Variants in CA11 observed in about 807,000 individuals in gnomAD.
The protein encoded by CA11 is carbonic anhydrase-related protein 11.
Under a neutral mutation model 39.3 loss-of-function variants are expected in CA11, and 20 were observed. That is an observed-to-expected ratio of 0.51 (90% confidence interval 0.36 to 0.74). The LOEUF is 0.74. Ranked by LOEUF, CA11 falls within the 30% of genes least tolerant of loss-of-function variation. The pLI is 0.00. For missense variants in CA11, 336 were observed against 424.6 expected, an observed-to-expected ratio of 0.79 and a Z score of 1.83; for synonymous variants, 166 against 172.5, an observed-to-expected ratio of 0.96 and a Z score of 0.29.
chr19:48,638,445 A>T, intron 8 of CA11: 1 of 976,220 alleles, frequency 1.0e-6, no homozygotes, highest in Non-Finnish European at 1.3e-6. Context: ...GCTAAACCAC[A>T]GGGAGGCAGA....
In CA11 at chr19:48,639,470, A is replaced by G. The variant is rs368624160; in HGVS notation, c.641-11T>C. On this transcript the variant is annotated splice_polypyrimidine_tract_variant and intron_variant, in intron 6 of 8. Transcript: ENST00000084798. Reference sequence around the variant, plus strand: ...GAAAGTAGGCATCATCTGCGGGAATATCAGGCCAGAGTAAAGAGGGATGGC... The same window carrying G: ...GAAAGTAGGCATCATCTGCGGGAATGTCAGGCCAGAGTAAAGAGGGATGGC... 1.1e-5 allele frequency: 17 copies of G among 1,613,852 alleles called. No homozygotes were observed. The African/African-American group carries it at 2.3e-4, about 22-fold the overall frequency.
In CA11 at chr19:48,645,889, T is replaced by C; in HGVS notation, c.-257A>G. ...TTCCCGGAACCCTCCAGTCTCCCTC[T>C]AGCTCCTGATCTTCCTACTCCTCTC... On this transcript the variant is annotated 5_prime_UTR_variant, in exon 1 of 9. Transcript: ENST00000084798. The C allele has an allele frequency of 2.0e-6, 1 of 508,808 alleles. No homozygotes were observed. Among genetic ancestry groups the C allele is most frequent in the Non-Finnish European group, 3.4e-6 (1 of 291,492 alleles). The allele number at this position is 508,808 out of a possible 1,614,324, so 31.5% of individuals were successfully genotyped here. A position where few individuals can be genotyped will look rare whatever the true frequency, so the allele number is the denominator to read the frequency against.
Position 48,638,147 on chromosome 19 carries a change from G to GT in CA11, c.962-4dup, listed in dbSNP as rs758201626. On this transcript the variant is annotated splice_region_variant and splice_polypyrimidine_tract_variant and intron_variant, in intron 8 of 8. Transcript: ENST00000084798. ...GCGACCATGGGGGACACCATCCACTGTAAGACAGAGAACAACGGCAGGGGG... is the reference window on the plus strand; with the variant it reads ...GCGACCATGGGGGACACCATCCACTGTTAAGACAGAGAACAACGGCAGGGGG... The GT allele has an allele frequency of 1.9e-5, 21 of 1,127,956 alleles. No individual in the cohort carries two copies. In the African/African-American group the frequency reaches 3.5e-4, roughly 19 times the overall value. The allele number at this position is 1,127,956 out of a possible 1,614,324, so 69.9% of individuals were successfully genotyped here.
chr19:48,646,025 TCTC>T lies in CA11; in HGVS notation c.-396_-394del, dbSNP rs899751865. 51 of 393,224 alleles carry T rather than the reference TCTC, an allele frequency of 1.3e-4. No individual in the cohort carries two copies. The highest frequency in any genetic ancestry group is 6.6e-4 in the South Asian group (6 of 9,122). 24.4% of individuals were successfully genotyped at this position (393,224 alleles called of 1,614,324 possible). A position where few individuals can be genotyped will look rare whatever the true frequency, so the allele number is the denominator to read the frequency against. On this transcript the variant is annotated 5_prime_UTR_variant, in exon 1 of 9. Transcript: ENST00000084798. Reference sequence around the variant, plus strand: ...CCTAACTCCAGGTCTCCATCCCGCATCTCCTCCTCCTCCTCCCTCTCTCCTTTC... The same window carrying T: ...CCTAACTCCAGGTCTCCATCCCGCATCTCCTCCTCCTCCCTCTCTCCTTTC...
rs2031146535 is a variant in CA11 at position 48,643,319 on chromosome 19, C to T, written c.285+1108G>A. ...CCGCCTCCCGGGTTCAAGCAATTCTCCTGCCTCAGCCTCTCAAGTAGCTGG... is the reference window on the plus strand; with the variant it reads ...CCGCCTCCCGGGTTCAAGCAATTCTTCTGCCTCAGCCTCTCAAGTAGCTGG... On this transcript the variant is annotated intron_variant, in intron 3 of 8. Transcript: ENST00000084798. This position sits in a 1 kb window ranked among gnomAD's most constrained non-coding sequence, Gnocchi z 4.3. Among the ~76,000 whole-genome samples the T allele has an allele frequency of 6.6e-6, 1 of 152,184 alleles. No individual in the cohort carries two copies. Among genetic ancestry groups the T allele is most frequent in the African/African-American group, 2.4e-5 (1 of 41,444 alleles).
At chr19:48,640,342 G>A in intron 3 of CA11, 62 bp from the exon 4 acceptor site, 1 of 1,087,310 alleles carries the variant, frequency 9.2e-7, no homozygotes, top group South Asian at 1.4e-5. Context: ...CGTTTCCCAC[G>A]CCTACATTTT....
In CA11 at chr19:48,645,951, T is replaced by C; in HGVS notation, c.-319A>G. ...GCCCCCAGGGCTACCTCTTGGTTCC[T>C]AACCCACACCTCCTCTCCGTTCTCT... On this transcript the variant is annotated 5_prime_UTR_variant, in exon 1 of 9. The change abolishes the stop of an existing upstream ORF in the 5' untranslated region. Transcript: ENST00000084798. 1 of 447,538 alleles carries C rather than the reference T, an allele frequency of 2.2e-6. No homozygotes were observed. Among genetic ancestry groups the C allele is most frequent in the South Asian group, 5.4e-5 (1 of 18,530 alleles). 27.7% of individuals were successfully genotyped at this position (447,538 alleles called of 1,614,324 possible).
At chr19:48,642,871 G>C (rs1443918395) in intron 3 of CA11, among the ~76,000 whole-genome samples, 5 of 152,118 alleles carry the variant, frequency 3.3e-5, no homozygotes, top group African/African-American at 1.2e-4. Context: ...GGATAGGATG[G>C]GGAATGGCTT....
chr19:48,644,652 G>A (rs780930104), intron 2 of CA11, 83 bp from the exon 3 acceptor site: 5 of 1,214,748 alleles, frequency 4.1e-6, no homozygotes, highest in Non-Finnish European at 5.5e-6. Context: ...AGTGGGCTGT[G>A]GTCTGGACTC....
At position 48,644,697 on chromosome 19, in the gene CA11, A is replaced by T. The variant is rs924861711; in HGVS notation, c.143-128T>A. On this transcript the variant is annotated intron_variant, in intron 2 of 8. Transcript: ENST00000084798. ...AGGGGAGGAGGGGCTAGGGACCTAG[A>T]CTCCTGGGTCTGAGGGAGGACTGGG... 314 of 668,408 alleles carry T rather than the reference A, an allele frequency of 4.7e-4. 2 individuals are homozygous for T. The highest frequency in any genetic ancestry group is 7.3e-4 in the East Asian group (24 of 32,710). The allele number at this position is 668,408 out of a possible 1,614,324, so 41.4% of individuals were successfully genotyped here.
At chr19:48,641,156 T>G (rs970992445) in intron 3 of CA11, among the ~76,000 whole-genome samples, 2 of 151,776 alleles carry the variant, frequency 1.3e-5, no homozygotes, top group African/African-American at 4.8e-5. Flanking sequence ...ATTTTTGTAT[T>G]TTTAGTAGAG....
Position 48,639,355 on chromosome 19 carries a change from T to C in CA11, c.745A>G (p.Thr249Ala). 6.2e-7 allele frequency: 1 copy of C among 1,613,584 alleles called. No homozygotes were observed. The highest frequency in any genetic ancestry group is 8.5e-7 in the Non-Finnish European group (1 of 1,179,906). The change falls in exon 7 of 9, where the codon ACT becomes GCT. Residue 249 changes from threonine to alanine, a missense_variant. By Grantham distance (58) the Thr-to-Ala change is moderately conservative. Transcript: ENST00000084798. ...CGGTCAATGAGGATCCAGGTGACAG[T>C]CTCGGAGCAGGGCGGGGTGCTGAGA... ...GSLSTPPCSETVTWILIDRAL... is the reference protein window; with the variant it reads ...GSLSTPPCSEAVTWILIDRAL...
In CA11 at chr19:48,639,891, T is replaced by C; in HGVS notation, c.472-8A>G. 16 of 1,610,644 alleles carry C rather than the reference T, an allele frequency of 9.9e-6. No homozygotes were observed. Among genetic ancestry groups the C allele is most frequent in the Non-Finnish European group, 1.4e-5 (16 of 1,177,140 alleles). ...GAAGTGAATGAGCTGCACCTGGGGG[T>C]AGCACAGAGCATGGGGTCCCCCAGC... On this transcript the variant is annotated splice_region_variant and splice_polypyrimidine_tract_variant and intron_variant, in intron 4 of 8. Coordinates refer to ENST00000084798, the MANE Select transcript of CA11 (RefSeq NM_001217.5).
chr19:48,638,373 A>T (rs2030918465), intron 8 of CA11: 2 of 32,302 alleles, frequency 6.2e-5, no homozygotes, highest in Admixed American at 4.0e-3. Context: ...GAAGGTCTTC[A>T]TGGGGGGGGG....
chr19:48,639,350 G>A lies in CA11; in HGVS notation c.750C>T (p.Val250=). ...SLSTPPCSET[V]TWILIDRALN... ...GGGCCCGGTCAATGAGGATCCAGGT[G>A]ACAGTCTCGGAGCAGGGCGGGGTGC... The change falls in exon 7 of 9, where the codon GTC becomes GTT. Residue 250 remains valine (V), a synonymous_variant. Coordinates refer to ENST00000084798, the MANE Select transcript of CA11 (RefSeq NM_001217.5). 1 of 1,613,756 alleles carries A rather than the reference G, an allele frequency of 6.2e-7. No individual in the cohort carries two copies. Among genetic ancestry groups the A allele is most frequent in the Non-Finnish European group, 8.5e-7 (1 of 1,179,952 alleles).
rs1302979900 is a variant in CA11, at chr19:48,638,917, C to T, written c.932G>A (p.Arg311His). 1.2e-6 allele frequency: 2 copies of T among 1,602,416 alleles called. No individual in the cohort carries two copies. Among genetic ancestry groups the T allele is most frequent in the South Asian group, 2.2e-5 (2 of 89,872 alleles). ...CAGGCGGTAGTTGGGGCCTCGGCAG[C>T]GCCTCTCGGGGTGCCGGGGGTCCCT... ...GNRDPRHPERRCRGPNYRLHV... is the reference protein window; with the variant it reads ...GNRDPRHPERHCRGPNYRLHV... The change falls in exon 8 of 9, where the codon CGC becomes CAC. Residue 311 changes from arginine to histidine, a missense_variant. Arg to His is a conservative substitution (Grantham distance 29). Transcript: ENST00000084798.
At position 48,641,799 on chromosome 19, in the gene CA11, C is replaced by T. The variant is rs562620888; in HGVS notation, c.286-1519G>A. Among the ~76,000 whole-genome samples the T allele has an allele frequency of 1.3e-4, 20 of 151,392 alleles. 1 individual carries two copies. The South Asian group carries it at 3.8e-3, about 28-fold the overall frequency. On this transcript the variant is annotated intron_variant, in intron 3 of 8. Coordinates refer to ENST00000084798, the MANE Select transcript of CA11 (RefSeq NM_001217.5). ...AGCTGGGACCACAGTCACATACCAC[C>T]ATGCCCAACTAATTTTCAATTTTCT...
intron 3 of CA11, among the ~76,000 whole-genome samples, chr19:48,640,988 T>TTTG (rs1568443461): frequency 1.3e-5 from 2 of 148,284 alleles, no homozygotes; most frequent in African/African-American, 2.5e-5. Context: ...GTTTTTGTTT[T>TTTG]TTTTTTTTTT....
At chr19:48,640,842 T>C (rs1218105605) in intron 3 of CA11, among the ~76,000 whole-genome samples, 1 of 150,080 alleles carries the variant, frequency 6.7e-6, no homozygotes, top group Non-Finnish European at 1.5e-5. Flanking sequence ...ACCCGGCTAA[T>C]TTTTTGTATT....
Sources: allele counts gnomAD v4.1 joint callset (sites outside exome capture counted in the v4.1 genomes callset), GRCh38; gene constraint gnomAD v4.1.1; non-coding constraint Gnocchi (gnomAD v3.1); transcripts MANE v1.5; gene names NCBI Gene and HGNC (gene_info 2026-07-23, HGNC 2026-07-21).